Variants in DLGAP2 observed in about 807,000 individuals in gnomAD.
DLGAP2 encodes disks large-associated protein 2.
Under a neutral mutation model 100.3 loss-of-function variants are expected in DLGAP2, and 26 were observed. That is an observed-to-expected ratio of 0.26 (90% CI 0.19 to 0.36). DLGAP2 has a LOEUF of 0.36. Among genes scored for constraint, DLGAP2 ranks in the 10% least tolerant of loss-of-function variants. The pLI, the probability that DLGAP2 is intolerant of heterozygous loss-of-function variation, is 1.00. For missense variants in DLGAP2, 1,858 were observed against 1,453.2 expected (o/e 1.28, Z -4.53); for synonymous variants, 886 against 630.1 (o/e 1.41, Z -6.08).
chr8:788,240 T>C (rs1277841962), intron 1 of DLGAP2, among the ~76,000 whole-genome samples: 1 of 152,226 alleles, frequency 6.6e-6, no homozygotes, highest in African/African-American at 2.4e-5. Context: ...CCTGTTGTTA[T>C]TCTGTAGCCA....
At chr8:882,912 T>A (rs1797839971) in intron 1 of DLGAP2, among the ~76,000 whole-genome samples, 1 of 152,266 alleles carries the variant, frequency 6.6e-6, no homozygotes. Flanking sequence ...GTCGGATCTC[T>A]GCATCGGTCT....
chr8:1,153,907 C>A (rs1448176442), intron 2 of DLGAP2, among the ~76,000 whole-genome samples: 2 of 152,098 alleles, frequency 1.3e-5, no homozygotes, highest in Non-Finnish European at 2.9e-5. Context: ...GTGCACTGGA[C>A]CCCAGAGACG....
chr8:1,108,327 C>G (rs530977502), intron 2 of DLGAP2, among the ~76,000 whole-genome samples: 2 of 152,268 alleles, frequency 1.3e-5, no homozygotes, highest in South Asian at 4.2e-4. Context: ...GAAAGTTAAC[C>G]ACTTTCAGCA....
In DLGAP2 at chr8:806,485, T is replaced by C. The variant is rs972172359; in HGVS notation, c.18+68660T>C. On this transcript the variant is annotated intron_variant, in intron 1 of 14. Coordinates refer to ENST00000637795, the MANE Select transcript of DLGAP2 (RefSeq NM_001346810.2). ...GCAAATCCTGGGAAGTATGGAGAGG[T>C]AGGGCTCCCCAAAGGGAGACTGAGG... 4.6e-5 allele frequency among the ~76,000 whole-genome samples: 7 copies of C among 152,074 alleles called. No homozygotes were observed. The South Asian group carries it at 8.3e-4, about 18-fold the overall frequency.
chr8:1,701,529 C>G lies in DLGAP2; in HGVS notation c.*123C>G, dbSNP rs1437195612. The stretch of plus-strand genomic sequence containing the variant: ...AACACGTCCTCGCTCCCGCGCTCCC[C>G]GCGCCCCGGACACAGCGGGACGCGG... On this transcript the variant is annotated 3_prime_UTR_variant, in exon 15 of 15. Transcript: ENST00000637795. 47 of 1,102,514 alleles carry G rather than the reference C, an allele frequency of 4.3e-5. No homozygotes were observed. Among genetic ancestry groups the G allele is most frequent in the African/African-American group, 6.4e-5 (4 of 62,674 alleles). 68.3% of individuals were successfully genotyped at this position (1,102,514 alleles called of 1,614,324 possible).
intron 4 of DLGAP2, among the ~76,000 whole-genome samples, chr8:1,531,361 C>T (rs1338605469): frequency 6.6e-6 from 1 of 151,508 alleles, no homozygotes; most frequent in East Asian, 1.9e-4. Context: ...AATAAGTTTC[C>T]AGGTCAAATT....
intron 3 of DLGAP2, among the ~76,000 whole-genome samples, chr8:1,279,668 C>T (rs975767132): frequency 2.0e-5 from 3 of 152,186 alleles, no homozygotes; most frequent in South Asian, 2.1e-4. Context: ...GCTTGTGAGG[C>T]TTGGCTGAGT....
intron 2 of DLGAP2, among the ~76,000 whole-genome samples, chr8:989,112 G>A (rs1800575246): frequency 6.6e-6 from 1 of 152,172 alleles, no homozygotes; most frequent in African/African-American, 2.4e-5. Flanking sequence ...GACGACCGCA[G>A]TGCAGTCCCA....
At chr8:1,130,819 G>T (rs140306829) in intron 2 of DLGAP2, among the ~76,000 whole-genome samples, 1 of 140,502 alleles carries the variant, frequency 7.1e-6, no homozygotes, top group East Asian at 1.9e-4. Context: ...CGGCTGGGCT[G>T]AGAGACCGGA....
At position 1,276,216 on chromosome 8, in the gene DLGAP2, C is replaced by A. The variant is rs574597490; in HGVS notation, c.106+17333C>A. ...TCTCAACTCCAATCAACACTCCCCC[C>A]CCGACCCTAGCTCTCAATGTTATAT... On this transcript the variant is annotated intron_variant, in intron 3 of 14. Transcript: ENST00000637795. Among the ~76,000 whole-genome samples the A allele has an allele frequency of 6.0e-5, 9 of 150,894 alleles. No homozygotes were observed. In the South Asian group the frequency reaches 6.3e-4, roughly 11 times the overall value.
intron 6 of DLGAP2, among the ~76,000 whole-genome samples, chr8:1,606,422 T>G (rs923369506): frequency 6.6e-6 from 1 of 152,016 alleles, no homozygotes; most frequent in African/African-American, 2.4e-5. Context: ...CCCTAACTCC[T>G]CCAACCCCTG....
At chr8:924,994 C>T (rs1798783639) in intron 2 of DLGAP2, among the ~76,000 whole-genome samples, 1 of 151,936 alleles carries the variant, frequency 6.6e-6, no homozygotes. Flanking sequence ...TGGGTGATTG[C>T]TTGCTATTGG....
intron 1 of DLGAP2, among the ~76,000 whole-genome samples, chr8:748,650 C>T (rs1264104839): frequency 6.6e-6 from 1 of 152,194 alleles, no homozygotes; most frequent in Admixed American, 6.5e-5. Flanking sequence ...TCCAGCCCTG[C>T]GGTGCTGTGA....
rs994796703 is a variant in DLGAP2 at position 1,206,785 on chromosome 8, A to G, written c.74-52066A>G. Among the ~76,000 whole-genome samples, 5 of 152,242 alleles carry G rather than the reference A, an allele frequency of 3.3e-5. No homozygotes were observed. In the East Asian group the frequency reaches 9.7e-4, roughly 29 times the overall value. ...CTACCTCTCTGCCATCGCTGCTACC[A>G]TTCTTTGTCTGCACCTGCAGGCTAA... On this transcript the variant is annotated intron_variant, in intron 2 of 14. Transcript: ENST00000637795.
chr8:1,525,332 T>C (rs985662137), intron 4 of DLGAP2, among the ~76,000 whole-genome samples: 4 of 152,180 alleles, frequency 2.6e-5, no homozygotes, highest in Admixed American at 1.3e-4. Flanking sequence ...GTTTAGTTTT[T>C]GGTTAATGGC....
intron 4 of DLGAP2, among the ~76,000 whole-genome samples, chr8:1,526,615 T>G (rs758945800): frequency 1.5e-4 from 23 of 152,336 alleles, no homozygotes; most frequent in Middle Eastern, 3.4e-3. Flanking sequence ...CGCTGAGTTC[T>G]GCCACTGAAG....
At chr8:980,776 A>T (rs778568194) in intron 2 of DLGAP2, among the ~76,000 whole-genome samples, 58 of 152,102 alleles carry the variant, frequency 3.8e-4, no homozygotes, top group Non-Finnish European at 8.1e-4. Flanking sequence ...TGGGGGCTCG[A>T]CAGGTGGCAG....
chr8:1,413,729 A>T (rs1345466490), intron 3 of DLGAP2, among the ~76,000 whole-genome samples: 1 of 152,232 alleles, frequency 6.6e-6, no homozygotes, highest in Non-Finnish European at 1.5e-5. Flanking sequence ...GTCTCCCAGT[A>T]TGTAGCTCTT....
chr8:1,421,216 C>A (rs1010091519), intron 3 of DLGAP2, among the ~76,000 whole-genome samples: 1 of 152,186 alleles, frequency 6.6e-6, no homozygotes, highest in African/African-American at 2.4e-5. Flanking sequence ...CTGAGTGTTT[C>A]ATGTTGTGTG....
Sources: gnomAD v4.1 joint callset for allele counts (sites outside exome capture counted in the v4.1 genomes callset) on GRCh38, gnomAD v4.1.1 for gene constraint, MANE v1.5 for transcripts, NCBI Gene and HGNC (gene_info 2026-07-23, HGNC 2026-07-21) for gene names.